Variants in FLNB observed in about 807,000 individuals in gnomAD.
FLNB encodes filamin-B.
In FLNB, 111 loss-of-function variants were observed where a neutral mutation model predicts 250.6. That is an observed-to-expected ratio of 0.44 (90% CI 0.38 to 0.52). The LOEUF (loss-of-function observed/expected upper bound fraction) is 0.52. Ranked by LOEUF, FLNB falls within the 20% of genes least tolerant of loss-of-function variation. The pLI is 0.00. For missense variants in FLNB, 2,869 were observed against 3,447.8 expected (o/e 0.83, Z 4.20); for synonymous variants, 1,302 against 1,372.1 (o/e 0.95, Z 1.13).
In FLNB at chr3:58,085,499, T is replaced by C. The variant is rs149653274; in HGVS notation, c.787+3723T>C. ...AAGTGTTGTTTTATTTTTTATTTCCTGATTGTTTAATAGATGCCAGTTGCC... is the reference window on the plus strand; with the variant it reads ...AAGTGTTGTTTTATTTTTTATTTCCCGATTGTTTAATAGATGCCAGTTGCC... On this transcript the variant is annotated intron_variant, in intron 4 of 45. Transcript: ENST00000295956. Among the ~76,000 whole-genome samples the C allele has an allele frequency of 3.8e-3, 578 of 152,368 alleles. 3 individuals are homozygous for C. The highest frequency in any genetic ancestry group is 4.8e-3 in the Non-Finnish European group (326 of 68,038).
chr3:58,138,428 G>A lies in FLNB; in HGVS notation c.5008G>A (p.Gly1670Arg). ...AEADVIENED[G>R]TYDIFYTAAK... The stretch of plus-strand genomic sequence containing the variant: ...GGCCGATGTCATTGAGAATGAAGAT[G>A]GAACCTATGACATCTTCTACACAGC... The change falls in exon 29 of 46, where the codon GGA (glycine) becomes AGA (arginine). Residue 1670 changes from glycine to arginine, a missense_variant. Coordinates refer to ENST00000295956, the MANE Select transcript of FLNB (RefSeq NM_001457.4). 2 of 1,614,244 alleles carry A rather than the reference G, an allele frequency of 1.2e-6. No homozygotes were observed. Among genetic ancestry groups the A allele is most frequent in the Non-Finnish European group, 1.7e-6 (2 of 1,180,040 alleles).
rs1575460009 is a variant in FLNB, at chr3:58,148,683, T to C, written c.5922T>C (p.His1974=). Residue 1974 remains histidine, a synonymous_variant, in exon 36 of 46, where the codon CAT becomes CAC. Transcript: ENST00000295956. The part of the protein sequence containing the change: ...ISFIPREVGE[H]LVSIKKNGNH... ...TCATCCCCCGGGAAGTGGGCGAACA[T>C]CTGGTCAGCATCAAGAAAAATGGCA... 3 of 1,614,106 alleles carry C rather than the reference T, an allele frequency of 1.9e-6. No individual in the cohort carries two copies. In the East Asian group the frequency reaches 6.7e-5, roughly 36 times the overall value.
In FLNB at chr3:58,148,812, T is replaced by C; in HGVS notation, c.6051T>C (p.Thr2017=). Residue 2017 remains threonine (T), a synonymous_variant, in exon 36 of 46, where the codon ACT becomes ACC. Transcript: ENST00000295956. ...VYGRGLSEGR[T]FEMSDFIVDT... ...GCCGCGGCCTGTCAGAAGGCCGGAC[T>C]TTCGAGATGTCTGACTTCATCGTGG... 1 of 1,613,856 alleles carries C rather than the reference T, an allele frequency of 6.2e-7. No individual in the cohort carries two copies. The highest frequency in any genetic ancestry group is 8.5e-7 in the Non-Finnish European group (1 of 1,180,032).
chr3:58,128,481 T>C (rs1409098421), intron 24 of FLNB, among the ~76,000 whole-genome samples: 1 of 152,196 alleles, frequency 6.6e-6, no homozygotes, highest in Non-Finnish European at 1.5e-5. Flanking sequence ...GGGAGCTTAC[T>C]GTCTAGGGCT....
chr3:58,008,919 C>A, intron 1 of FLNB, 63 bp downstream of exon 1: 1 of 1,587,928 alleles, frequency 6.3e-7, no homozygotes, highest in South Asian at 1.1e-5. Flanking sequence ...CGCGTGCACC[C>A]CTGCGGAGGG....
At chr3:58,166,124 C>G (rs923959807) in intron 43 of FLNB, 6 of 152,262 alleles carry the variant, frequency 3.9e-5, no homozygotes, top group Admixed American at 3.9e-4. Context: ...TCCTGTAAAA[C>G]AGGATTAATA....
At chr3:58,046,905 GACTT>G (rs1345602555) in intron 1 of FLNB, among the ~76,000 whole-genome samples, 1 of 152,152 alleles carries the variant, frequency 6.6e-6, no homozygotes. Context: ...TGGTGTTACT[GACTT>G]CTTTCACTTA....
chr3:58,154,791 C>T lies in FLNB; in HGVS notation c.6635C>T (p.Ala2212Val), dbSNP rs149086909. Reference protein sequence around the residue: ...GLERGEAGVPAEFSIWTREAG... With the variant: ...GLERGEAGVPVEFSIWTREAG... ...TAACCAGGTTTCTCTTTGCTCTCAG[C>T]TGAGTTCAGCATTTGGACCCGGGAA... The change falls in exon 40 of 46, where the codon GCT (alanine) becomes GTT (valine). Residue 2212 changes from alanine to valine, a missense_variant and splice_region_variant. By Grantham distance (64) the Ala-to-Val change is moderately conservative. Coordinates refer to ENST00000295956, the MANE Select transcript of FLNB (RefSeq NM_001457.4). 1.9e-6 allele frequency: 3 copies of T among 1,613,936 alleles called. No homozygotes were observed. The highest frequency in any genetic ancestry group is 1.7e-6 in the Non-Finnish European group (2 of 1,179,974).
chr3:58,167,121 C>T (rs2097372004), intron 43 of FLNB, among the ~76,000 whole-genome samples: 1 of 152,234 alleles, frequency 6.6e-6, no homozygotes, highest in Admixed American at 6.5e-5. Flanking sequence ...GAGCGAGACT[C>T]TATCTCAATC....
intron 19 of FLNB, 79 bp downstream of exon 19, chr3:58,119,068 G>A: frequency 9.5e-7 from 1 of 1,053,636 alleles, no homozygotes; most frequent in Non-Finnish European, 1.5e-6. Flanking sequence ...TTCAAAAGGT[G>A]AAATTTGCAG....
At chr3:58,095,391 G>C (rs2097236731) in intron 5 of FLNB, among the ~76,000 whole-genome samples, 1 of 152,084 alleles carries the variant, frequency 6.6e-6, no homozygotes. Flanking sequence ...AAGTAACTGG[G>C]ATTACAGGGA....
At chr3:58,127,075 A>C (rs747837472) in intron 24 of FLNB, among the ~76,000 whole-genome samples, 1 of 152,158 alleles carries the variant, frequency 6.6e-6, no homozygotes, top group Non-Finnish European at 1.5e-5. Context: ...GTAATCCCCA[A>C]ACTTTGGGAG....
intron 1 of FLNB, among the ~76,000 whole-genome samples, chr3:58,062,821 G>A (rs1444071292): frequency 2.0e-5 from 3 of 152,176 alleles, no homozygotes; most frequent in Non-Finnish European, 4.4e-5. Flanking sequence ...TAGGGCATTC[G>A]GCTCTGAGCA....
rs184416101 is a variant in FLNB at position 58,040,353 on chromosome 3, C to T, written c.292+31497C>T. Among the ~76,000 whole-genome samples the T allele has an allele frequency of 9.3e-4, 142 of 152,054 alleles. 1 individual carries two copies. The highest frequency in any genetic ancestry group is 3.4e-3 in the African/African-American group (140 of 41,358). On this transcript the variant is annotated intron_variant, in intron 1 of 45. Coordinates refer to ENST00000295956, the MANE Select transcript of FLNB (RefSeq NM_001457.4). The stretch of plus-strand genomic sequence containing the variant: ...CATGGAGCTGGCCTCTGGCCAGCAA[C>T]ATGATAGCTGTTTGCATCTTACTCT...
chr3:58,044,465 C>A (rs927119620), intron 1 of FLNB, among the ~76,000 whole-genome samples: 10 of 150,312 alleles, frequency 6.7e-5, no homozygotes, highest in Non-Finnish European at 1.5e-4. Context: ...ACCAAAAAAA[C>A]CCCACAACAA....
intron 1 of FLNB, among the ~76,000 whole-genome samples, chr3:58,029,703 C>A (rs2097128189): frequency 6.6e-6 from 1 of 152,114 alleles, no homozygotes; most frequent in African/African-American, 2.4e-5. Context: ...TGGGGTTTCA[C>A]CATGTTGGCC....
intron 1 of FLNB, among the ~76,000 whole-genome samples, chr3:58,024,194 C>G (rs1406480727): frequency 1.3e-5 from 2 of 152,172 alleles, no homozygotes; most frequent in Non-Finnish European, 2.9e-5. Context: ...CAGATCCAGC[C>G]ACTTCCGGAG....
In FLNB at chr3:58,147,683, A is replaced by G. The variant is rs370852818; in HGVS notation, c.5729-523A>G. Among the ~76,000 whole-genome samples, 46 of 152,334 alleles carry G rather than the reference A, an allele frequency of 3.0e-4. No homozygotes were observed. The South Asian group carries it at 4.1e-3, about 14-fold the overall frequency. ...CTATATTTTATTTTATTTTTGAGAC[A>G]GAGTCTCACTCTATCACCCAGGCTG... On this transcript the variant is annotated intron_variant, in intron 34 of 45. Transcript: ENST00000295956.
rs374423648 is a variant in FLNB at position 58,109,747 on chromosome 3, G to C, written c.2323+48G>C. 1.9e-6 allele frequency: 3 copies of C among 1,613,152 alleles called. No individual in the cohort carries two copies. The African/African-American group carries it at 4.0e-5, about 22-fold the overall frequency. ...CCAGTGATCATTGCTCCGTGGGGAA[G>C]GCAGTTCTTTTCATAACGTTTCAAT... On this transcript the variant is annotated intron_variant, in intron 15 of 45. Transcript: ENST00000295956.
Sources: allele counts gnomAD v4.1 joint callset (sites outside exome capture counted in the v4.1 genomes callset), GRCh38; gene constraint gnomAD v4.1.1; transcripts MANE v1.5; gene names NCBI Gene and HGNC (gene_info 2026-07-23, HGNC 2026-07-21).